Variants in SLC39A12 observed in about 807,000 individuals in gnomAD.
SLC39A12 encodes the protein solute carrier family 39 member 12.
In SLC39A12, 63 loss-of-function variants were observed where a neutral mutation model predicts 71.1. The ratio of observed to expected loss-of-function variants is 0.89; its 90% CI spans 0.72 to 1.09. The LOEUF (loss-of-function observed/expected upper bound fraction) is 1.09. SLC39A12 is among the 50% of genes least tolerant of loss of function. The pLI is 0.00. For synonymous variants in SLC39A12, 351 were observed against 301.3 expected, an observed-to-expected ratio of 1.16 and a Z score of -1.71; for missense variants, 892 against 812.6, an observed-to-expected ratio of 1.10 and a Z score of -1.19.
intron 12 of SLC39A12, among the ~76,000 whole-genome samples, chr10:18,028,055 C>A (rs1384284086): frequency 6.6e-6 from 1 of 152,158 alleles, no homozygotes; most frequent in Non-Finnish European, 1.5e-5. Context: ...TACCTGCCTC[C>A]GTGTGCACAG....
At chr10:18,007,688 A>G (rs1444430136) in intron 12 of SLC39A12, among the ~76,000 whole-genome samples, 1 of 152,090 alleles carries the variant, frequency 6.6e-6, no homozygotes, top group African/African-American at 2.4e-5. Flanking sequence ...TTTTTAGACC[A>G]TATGGGGTAA....
intron 12 of SLC39A12, among the ~76,000 whole-genome samples, chr10:18,021,720 G>C (rs1836537668): frequency 6.6e-6 from 1 of 152,152 alleles, no homozygotes. Flanking sequence ...AGAGTCAGTA[G>C]TCTATGTACT....
intron 6 of SLC39A12, among the ~76,000 whole-genome samples, chr10:17,981,930 A>G (rs1473397805): frequency 6.6e-6 from 1 of 152,222 alleles, no homozygotes; most frequent in East Asian, 1.9e-4. Flanking sequence ...TGGAATGTGG[A>G]ATGCAGAGCT....
intron 12 of SLC39A12, among the ~76,000 whole-genome samples, chr10:18,037,967 C>G (rs1019627857): frequency 3.9e-5 from 5 of 127,096 alleles, no homozygotes; most frequent in African/African-American, 1.5e-4. Flanking sequence ...TTGCCATGAG[C>G]CAAGATCACA....
At chr10:18,038,654 AAAATAAATAAATAAAT>A (rs141486316) in intron 12 of SLC39A12, among the ~76,000 whole-genome samples, 1 of 150,102 alleles carries the variant, frequency 6.7e-6, no homozygotes, top group Admixed American at 6.6e-5. Context: ...CTCTGTCTCA[AAAATAAATAAATAAAT>A]AAATAAATAA....
intron 12 of SLC39A12, among the ~76,000 whole-genome samples, chr10:18,038,246 C>T (rs1267549574): frequency 6.6e-6 from 1 of 151,992 alleles, no homozygotes; most frequent in Non-Finnish European, 1.5e-5. Context: ...TTAATTTTCT[C>T]ACTGGGAGTA....
intron 12 of SLC39A12, among the ~76,000 whole-genome samples, chr10:18,027,027 T>A (rs1276600153): frequency 6.6e-6 from 1 of 152,246 alleles, no homozygotes; most frequent in Non-Finnish European, 1.5e-5. Context: ...ATTCTGATGG[T>A]TGTTCAGTTT....
intron 12 of SLC39A12, 53 bp from the exon 13 acceptor site, chr10:18,042,652 C>T (rs920489896): frequency 6.5e-7 from 1 of 1,531,680 alleles, no homozygotes; most frequent in Non-Finnish European, 8.7e-7. Flanking sequence ...CCAAGCTTTT[C>T]CCAGCAGTTG....
intron 2 of SLC39A12, among the ~76,000 whole-genome samples, chr10:17,957,678 C>T (rs1317279280): frequency 1.3e-5 from 2 of 152,076 alleles, no homozygotes; most frequent in African/African-American, 2.4e-5. Flanking sequence ...AATCTAGTGG[C>T]GTCGAACTGA....
At chr10:17,978,297 C>A (rs1013554982) in intron 5 of SLC39A12, among the ~76,000 whole-genome samples, 7 of 152,132 alleles carry the variant, frequency 4.6e-5, no homozygotes, top group Non-Finnish European at 1.0e-4. Context: ...AAATATATTG[C>A]TTTTTCCTCC....
At chr10:17,989,046 G>A (rs776083081) in intron 7 of SLC39A12, among the ~76,000 whole-genome samples, 2 of 152,154 alleles carry the variant, frequency 1.3e-5, no homozygotes, top group African/African-American at 2.4e-5. Context: ...GTGAGCACCA[G>A]GAGGCTGCCT....
intron 4 of SLC39A12, among the ~76,000 whole-genome samples, chr10:17,976,724 C>A (rs35193534): frequency 0.12 from 18,276 of 152,184 alleles, 1,215 homozygotes; most frequent in Non-Finnish European, 0.14. Flanking sequence ...CACGCTGGTC[C>A]TCAAGATTTT....
At chr10:17,963,912 A>C (rs1367437617) in intron 3 of SLC39A12, among the ~76,000 whole-genome samples, 1 of 152,110 alleles carries the variant, frequency 6.6e-6, no homozygotes, top group Non-Finnish European at 1.5e-5. Context: ...AGAAAGCAAC[A>C]TCTCTCCCTT....
intron 2 of SLC39A12, among the ~76,000 whole-genome samples, chr10:17,958,009 A>T (rs1426414101): frequency 6.6e-6 from 1 of 152,214 alleles, no homozygotes; most frequent in African/African-American, 2.4e-5. Context: ...ATGCTTCTAC[A>T]GCTGTTTCAA....
At chr10:17,954,296 C>G (rs558335751) in intron 2 of SLC39A12, among the ~76,000 whole-genome samples, 293 of 152,266 alleles carry the variant, frequency 1.9e-3, no homozygotes, top group Non-Finnish European at 3.2e-3. Flanking sequence ...CCCTGTTGCC[C>G]AGGCTGGAGT....
rs146510899 is a variant in SLC39A12, at chr10:17,995,553, A to T, written c.1534-103A>T. On this transcript the variant is annotated intron_variant, in intron 9 of 12. Coordinates refer to ENST00000377369, the MANE Select transcript of SLC39A12 (RefSeq NM_001145195.2). Reference sequence around the variant, plus strand: ...GGTTCTAATATACATCTAGAGTACTAAAATGTCTTTTAAAAACCCATGTAA... The same window carrying T: ...GGTTCTAATATACATCTAGAGTACTTAAATGTCTTTTAAAAACCCATGTAA... 6.6e-3 allele frequency: 6,656 copies of T among 1,010,502 alleles called. 69 individuals are homozygous for T. Among genetic ancestry groups the T allele is most frequent in the South Asian group, 0.031 (2,120 of 68,736 alleles). 62.6% of individuals were successfully genotyped at this position (1,010,502 alleles called of 1,614,324 possible).
At chr10:17,979,966 G>A (rs1179397089) in intron 5 of SLC39A12, among the ~76,000 whole-genome samples, 1 of 152,148 alleles carries the variant, frequency 6.6e-6, no homozygotes, top group Non-Finnish European at 1.5e-5. Context: ...AACTGTGAAA[G>A]GAAGTAGATA....
At chr10:18,021,085 G>A (rs12356631) in intron 12 of SLC39A12, among the ~76,000 whole-genome samples, 8,719 of 151,996 alleles carry the variant, frequency 0.057, 378 homozygotes, top group East Asian at 0.21. Flanking sequence ...TTTTCTTCTG[G>A]AGTTTTTGTA....
chr10:17,988,431 G>C (rs2130821014), intron 7 of SLC39A12, among the ~76,000 whole-genome samples: 1 of 152,220 alleles, frequency 6.6e-6, no homozygotes, highest in South Asian at 2.1e-4. Context: ...CCCCTTCACT[G>C]TCTACTGTGA....
Sources: allele counts gnomAD v4.1 joint callset (sites outside exome capture counted in the v4.1 genomes callset), GRCh38; gene constraint gnomAD v4.1.1; transcripts MANE v1.5; gene names NCBI Gene and HGNC (gene_info 2026-07-23, HGNC 2026-07-21).